Variants in FBXO40 observed in about 807,000 individuals in gnomAD.
FBXO40 encodes the protein F-box only protein 40.
Under a neutral mutation model 49.9 loss-of-function variants are expected in FBXO40, and 50 were observed. The observed-to-expected ratio is 1.00, with a 90% CI of 0.80 to 1.27. The LOEUF is 1.27. Among genes scored for constraint, FBXO40 ranks in the 50% most tolerant of loss-of-function variants. The pLI, the probability that FBXO40 is intolerant of heterozygous loss-of-function variation, is 0.00. For synonymous variants in FBXO40, 340 were observed against 320.2 expected (o/e 1.06, Z -0.66); for missense variants, 895 against 870.1 (o/e 1.03, Z -0.36).
intron 1 of FBXO40, among the ~76,000 whole-genome samples, chr3:121,616,079 A>T (rs1406642020): frequency 1.3e-5 from 2 of 152,014 alleles, no homozygotes; most frequent in Admixed American, 1.3e-4. Context: ...GCACAGTCCA[A>T]CCCTCTCAGC....
In FBXO40 at chr3:121,627,891, C is replaced by T. The variant is rs2049071261; in HGVS notation, c.*981C>T. On this transcript the variant is annotated 3_prime_UTR_variant, in exon 4 of 4. Coordinates refer to ENST00000338040, the MANE Select transcript of FBXO40 (RefSeq NM_016298.4). ...ACAAGGCCCACTGCAGTTCCTATGGCGCCAGTCACCAGCTCCTAGACAGCA... is the reference window on the plus strand; with the variant it reads ...ACAAGGCCCACTGCAGTTCCTATGGTGCCAGTCACCAGCTCCTAGACAGCA... The T allele has an allele frequency of 1.8e-5, 7 of 398,738 alleles. No individual in the cohort carries two copies. Among genetic ancestry groups the T allele is most frequent in the South Asian group, 1.3e-4 (1 of 7,856 alleles). The allele number at this position is 398,738 out of a possible 1,614,324, so 24.7% of individuals were successfully genotyped here.
At position 121,609,051 on chromosome 3, in the gene FBXO40, C is replaced by G. The variant is rs144615467; in HGVS notation, c.-30-11495C>G. Among the ~76,000 whole-genome samples, 8 of 152,104 alleles carry G rather than the reference C, an allele frequency of 5.3e-5. No individual in the cohort carries two copies. In the East Asian group the frequency reaches 1.5e-3, roughly 29 times the overall value. On this transcript the variant is annotated intron_variant, in intron 1 of 3. Transcript: ENST00000338040. ...GAAATGTTTGCCCAAATCCAGGCAC[C>G]CATAAATGGCAGAACCCAGCCATCC...
chr3:121,614,240 T>C (rs2048984373), intron 1 of FBXO40, among the ~76,000 whole-genome samples: 1 of 134,550 alleles, frequency 7.4e-6, no homozygotes, highest in Non-Finnish European at 1.5e-5. Flanking sequence ...ACATTCCTTC[T>C]AGCCTGGTGA....
At chr3:121,624,465 T>C (rs2049051380) in intron 3 of FBXO40, among the ~76,000 whole-genome samples, 1 of 152,156 alleles carries the variant, frequency 6.6e-6, no homozygotes. Context: ...TTCTGTTTGC[T>C]CTCAAGACCC....
chr3:121,598,935 G>T (rs929714301), intron 1 of FBXO40, among the ~76,000 whole-genome samples: 4 of 152,254 alleles, frequency 2.6e-5, no homozygotes, highest in African/African-American at 9.6e-5. Flanking sequence ...TATGCCTCAG[G>T]CTCACACACC....
At chr3:121,603,498 G>C (rs1396369564) in intron 1 of FBXO40, among the ~76,000 whole-genome samples, 1 of 152,164 alleles carries the variant, frequency 6.6e-6, no homozygotes, top group Admixed American at 6.5e-5. Context: ...TTATCTTTAA[G>C]CAAAGAGGGC....
At chr3:121,624,137 T>A (rs2049049812) in intron 3 of FBXO40, among the ~76,000 whole-genome samples, 1 of 150,532 alleles carries the variant, frequency 6.6e-6, no homozygotes, top group African/African-American at 2.5e-5. Flanking sequence ...ATTACAGACA[T>A]GCACCAACAC....
At chr3:121,600,750 G>A (rs965833032) in intron 1 of FBXO40, among the ~76,000 whole-genome samples, 20 of 152,302 alleles carry the variant, frequency 1.3e-4, no homozygotes, top group Middle Eastern at 3.4e-3. Flanking sequence ...ATTGGAAATG[G>A]TAGTACCCAC....
Position 121,621,472 on chromosome 3 carries a change from T to C in FBXO40, c.43T>C (p.Cys15Arg). 6.2e-7 allele frequency: 1 copy of C among 1,614,126 alleles called. No individual in the cohort carries two copies. Among genetic ancestry groups the C allele is most frequent in the Non-Finnish European group, 8.5e-7 (1 of 1,179,998 alleles). Residue 15 changes from cysteine to arginine, a missense_variant, in exon 3 of 4, where the codon TGT becomes CGT. Coordinates refer to ENST00000338040, the MANE Select transcript of FBXO40 (RefSeq NM_016298.4). ...RRSPPGHHRH[C>R]EGCFNRHCHI... is the part of the protein sequence containing the mutation. The stretch of plus-strand genomic sequence containing the variant: ...ATCCCCGCCAGGGCACCACAGGCAT[T>C]GTGAGGGATGCTTCAACCGCCACTG...
At chr3:121,626,237 G>A (rs2049061007) in intron 3 of FBXO40, among the ~76,000 whole-genome samples, 1 of 152,088 alleles carries the variant, frequency 6.6e-6, no homozygotes, top group African/African-American at 2.4e-5. Context: ...TTGTAAGATA[G>A]TGCTCACTCG....
rs1056199005 is a variant in FBXO40 at position 121,621,788 on chromosome 3, C to T, written c.359C>T (p.Pro120Leu). The part of the protein sequence containing the change: ...TLHENIMKET[P>L]SEECLDTALA... ...CATGAAAACATCATGAAAGAGACCC[C>T]CAGTGAGGAGTGTTTGGACACAGCC... The change falls in exon 3 of 4, where the codon CCC becomes CTC. Residue 120 changes from proline (P) to leucine (L), a missense_variant. Transcript: ENST00000338040. The T allele has an allele frequency of 1.2e-6, 2 of 1,614,170 alleles. No individual in the cohort carries two copies. The highest frequency in any genetic ancestry group is 1.3e-5 in the African/African-American group (1 of 75,040).
intron 3 of FBXO40, among the ~76,000 whole-genome samples, chr3:121,625,998 T>C (rs2108852601): frequency 6.6e-6 from 1 of 152,344 alleles, no homozygotes; most frequent in Admixed American, 6.5e-5. Context: ...AATTCTCCTA[T>C]GGGGTTCCCA....
At position 121,614,637 on chromosome 3, in the gene FBXO40, C is replaced by A. The variant is rs111707329; in HGVS notation, c.-30-5909C>A. ...ATCTCATAGGGCCAAATCCGTTTTCCAAATAAACCCTGGGGCTTCTAACTC... is the reference window on the plus strand; with the variant it reads ...ATCTCATAGGGCCAAATCCGTTTTCAAAATAAACCCTGGGGCTTCTAACTC... On this transcript the variant is annotated intron_variant, in intron 1 of 3. Coordinates refer to ENST00000338040, the MANE Select transcript of FBXO40 (RefSeq NM_016298.4). 1.4e-4 allele frequency among the ~76,000 whole-genome samples: 22 copies of A among 152,150 alleles called. 1 individual carries two copies. In the Middle Eastern group the frequency reaches 0.021, roughly 142 times the overall value.
At chr3:121,618,252 C>T (rs116123376) in intron 1 of FBXO40, among the ~76,000 whole-genome samples, 1,945 of 151,984 alleles carry the variant, frequency 0.013, 17 homozygotes, top group Middle Eastern at 0.031. Context: ...AGGCATTTTA[C>T]ATGATATTAG....
chr3:121,623,048 T>C lies in FBXO40; in HGVS notation c.1619T>C (p.Leu540Pro). Residue 540 changes from leucine to proline, a missense_variant, in exon 3 of 4, where the codon CTC (leucine) becomes CCC (proline). Coordinates refer to ENST00000338040, the MANE Select transcript of FBXO40 (RefSeq NM_016298.4). ...QKAKVIYSQE[L>P]KTFAIKPEVA... Reference sequence around the variant, plus strand: ...GCAAAAGTAATCTATAGCCAGGAGCTCAAGACCTTTGCCATTAAGCCGGAG... The same window carrying C: ...GCAAAAGTAATCTATAGCCAGGAGCCCAAGACCTTTGCCATTAAGCCGGAG... 1 of 1,614,146 alleles carries C rather than the reference T, an allele frequency of 6.2e-7. No individual in the cohort carries two copies. The highest frequency in any genetic ancestry group is 8.5e-7 in the Non-Finnish European group (1 of 1,180,040).
rs1364777817 is a variant in FBXO40 at position 121,621,693 on chromosome 3, C to A, written c.264C>A (p.Cys88Ter). The change falls in exon 3 of 4, where the codon TGC becomes TGA. Residue 88 changes from cysteine (C) to a stop codon, truncating the protein, a stop_gained. Coordinates refer to ENST00000338040, the MANE Select transcript of FBXO40 (RefSeq NM_016298.4). LOFTEE classifies it high-confidence loss of function. The stretch of plus-strand genomic sequence containing the variant: ...AACTGGCCAAGCACCTGCAGGTGTG[C>A]CCCGCCAGCGTGGTCTGCTGCTCCA... ...RHKLAKHLQV[C>*]PASVVCCSME... The A allele has an allele frequency of 6.2e-7, 1 of 1,614,084 alleles. No individual in the cohort carries two copies. Among genetic ancestry groups the A allele is most frequent in the African/African-American group, 1.3e-5 (1 of 74,940 alleles).
rs549329473 is a variant in FBXO40 at position 121,621,835 on chromosome 3, G to T, written c.406G>T (p.Val136Phe). Residue 136 changes from valine to phenylalanine, a missense_variant, in exon 3 of 4, where the codon GTC (valine) becomes TTC (phenylalanine). Transcript: ENST00000338040. ...DTALALQDQK[V>F]LFRSLKMVEL... The stretch of plus-strand genomic sequence containing the variant: ...AGCCCTGGCCCTGCAGGATCAGAAG[G>T]TCCTCTTCAGATCCTTGAAAATGGT... The T allele has an allele frequency of 6.5e-5, 105 of 1,614,182 alleles. No homozygotes were observed. Among genetic ancestry groups the T allele is most frequent in the Middle Eastern group, 4.9e-4 (3 of 6,062 alleles).
At chr3:121,623,688 CTTT>C (rs11455375) in intron 3 of FBXO40, among the ~76,000 whole-genome samples, 1 of 128,954 alleles carries the variant, frequency 7.8e-6, no homozygotes, top group Non-Finnish European at 1.6e-5. Context: ...TTTTAAAGGC[CTTT>C]TTTTTTTTTT....
chr3:121,624,809 T>A (rs922563091), intron 3 of FBXO40, among the ~76,000 whole-genome samples: 38 of 152,078 alleles, frequency 2.5e-4, no homozygotes, highest in Admixed American at 1.2e-3. Flanking sequence ...AGGTAGCTAC[T>A]CACCCTGGAT....
Sources: allele counts gnomAD v4.1 joint callset (sites outside exome capture counted in the v4.1 genomes callset), GRCh38; gene constraint gnomAD v4.1.1; transcripts MANE v1.5; gene names NCBI Gene and HGNC (gene_info 2026-07-23, HGNC 2026-07-21).